The following LARGE1 variants were observed in gnomAD, a reference collection of about 807,000 sequenced individuals.
LARGE1 encodes xylosyl- and glucuronyltransferase LARGE1.
Under a neutral mutation model 87.6 loss-of-function variants are expected in LARGE1, and 43 were observed. The observed-to-expected ratio is 0.49, with a 90% CI of 0.38 to 0.63. LARGE1 has a LOEUF of 0.63. Ranked by LOEUF, LARGE1 falls within the 30% of genes least tolerant of loss-of-function variation. The pLI is 0.00. For synonymous variants in LARGE1, 434 were observed against 394.6 expected, an observed-to-expected ratio of 1.10 and a Z score of -1.18; for missense variants, 802 against 1,000.2, an observed-to-expected ratio of 0.80 and a Z score of 2.67.
chr22:33,131,946 C>T, the LARGE1 span, among the ~76,000 whole-genome samples: 9 of 152,226 alleles, frequency 5.9e-5, no homozygotes, highest in African/African-American at 2.2e-4. Context: ...GAGAAAGTCA[C>T]ATCTTACATG....
At chr22:33,093,531 A>G in the LARGE1 span, among the ~76,000 whole-genome samples, 3 of 152,216 alleles carry the variant, frequency 2.0e-5, no homozygotes, top group Non-Finnish European at 4.4e-5. Flanking sequence ...GACAGAAATT[A>G]TCTTGTAAAG....
At chr22:33,555,322 G>A (rs1428822434) in intron 6 of LARGE1, among the ~76,000 whole-genome samples, 1 of 152,096 alleles carries the variant, frequency 6.6e-6, no homozygotes, top group African/African-American at 2.4e-5. Context: ...CCTGGTACCT[G>A]GGTCTGTCCT....
intron 11 of LARGE1, among the ~76,000 whole-genome samples, chr22:33,310,456 T>C (rs1450167838): frequency 6.6e-6 from 1 of 152,084 alleles, no homozygotes; most frequent in Non-Finnish European, 1.5e-5. Flanking sequence ...GGAAGGGTGC[T>C]GAGCTGCTGA....
At position 33,333,796 on chromosome 22, in the gene LARGE1, A is replaced by G. The variant is rs188910701; in HGVS notation, c.1287+3850T>C. Among the ~76,000 whole-genome samples, 35 of 152,304 alleles carry G rather than the reference A, an allele frequency of 2.3e-4. No individual in the cohort carries two copies. The East Asian group carries it at 5.4e-3, about 24-fold the overall frequency. ...AGGAAACGAACATATGAACCAGGTA[A>G]TTGTAAACAGGAGTAGATGCTCTGA... On this transcript the variant is annotated intron_variant, in intron 10 of 14. Transcript: ENST00000397394.
intron 6 of LARGE1, among the ~76,000 whole-genome samples, chr22:33,521,502 G>T (rs2071593085): frequency 6.6e-6 from 1 of 152,178 alleles, no homozygotes; most frequent in Admixed American, 6.5e-5. Context: ...GGGAGCCCCA[G>T]TGCTCAAGTA....
chr22:33,534,067 T>C (rs2076972457), intron 6 of LARGE1, among the ~76,000 whole-genome samples: 1 of 152,060 alleles, frequency 6.6e-6, no homozygotes, highest in South Asian at 2.1e-4. Flanking sequence ...GTGGGCAGCT[T>C]TGAGTGTGTG....
intron 2 of LARGE1, among the ~76,000 whole-genome samples, chr22:33,719,504 T>C (rs185903842): frequency 6.9e-6 from 1 of 144,682 alleles, no homozygotes; most frequent in Non-Finnish European, 1.5e-5. Context: ...ACCATATTTA[T>C]TTATTTATTT....
rs190327841 is a variant in LARGE1 at position 33,388,793 on chromosome 22, C to T, written c.893-4489G>A. ...TGTTGGCCAGGCTGGTCTCAAACTC[C>T]TGACCTCAGGTGATCCACCCACCTC... On this transcript the variant is annotated intron_variant, in intron 7 of 14. Transcript: ENST00000397394. Among the ~76,000 whole-genome samples the T allele has an allele frequency of 1.5e-3, 221 of 152,048 alleles. 1 individual carries two copies. The highest frequency in any genetic ancestry group is 4.8e-3 in the African/African-American group (199 of 41,492).
Position 33,417,009 on chromosome 22 carries a change from C to T in LARGE1, c.892+15152G>A, listed in dbSNP as rs377425851. On this transcript the variant is annotated intron_variant, in intron 7 of 14. Transcript: ENST00000397394. ...GCAACCTCCGCCTCCCGGGTTCAAG[C>T]GATTCTCCTGCTTCAGCCTCCCGAG... 6.7e-5 allele frequency among the ~76,000 whole-genome samples: 10 copies of T among 149,428 alleles called. No individual in the cohort carries two copies. The South Asian group carries it at 1.7e-3, about 25-fold the overall frequency.
At chr22:33,597,868 C>T (rs1005131772) in intron 5 of LARGE1, among the ~76,000 whole-genome samples, 2 of 152,242 alleles carry the variant, frequency 1.3e-5, no homozygotes, top group South Asian at 4.2e-4. Context: ...GAAATGTTTT[C>T]CTGATTTAAA....
intron 7 of LARGE1, among the ~76,000 whole-genome samples, chr22:33,413,860 G>C (rs965863518): frequency 3.3e-5 from 5 of 152,192 alleles, no homozygotes; most frequent in Non-Finnish European, 7.3e-5. Flanking sequence ...TGTTGTCACA[G>C]AGGGCAAGAT....
At chr22:33,886,169 G>A (rs909849400) in intron 1 of LARGE1, among the ~76,000 whole-genome samples, 3 of 152,186 alleles carry the variant, frequency 2.0e-5, no homozygotes, top group Non-Finnish European at 4.4e-5. Flanking sequence ...CCAGCCCACA[G>A]CAATCCTGCT....
At chr22:33,296,807 G>T (rs748077042) in intron 12 of LARGE1, among the ~76,000 whole-genome samples, 2 of 152,096 alleles carry the variant, frequency 1.3e-5, no homozygotes, top group Non-Finnish European at 2.9e-5. Flanking sequence ...AACCTCAGGT[G>T]ATCTGCCCAC....
the LARGE1 span, among the ~76,000 whole-genome samples, chr22:33,085,092 AT>A: frequency 6.6e-6 from 1 of 152,240 alleles, no homozygotes; most frequent in Non-Finnish European, 1.5e-5. Flanking sequence ...CCTTGCCAAC[AT>A]GGCAAAACCC....
chr22:33,893,084 A>C (rs948194707), intron 1 of LARGE1, among the ~76,000 whole-genome samples: 3 of 152,238 alleles, frequency 2.0e-5, no homozygotes, highest in African/African-American at 7.2e-5. Flanking sequence ...CTGTGAACTT[A>C]TGAAACGATG....
Position 33,897,767 on chromosome 22 carries a change from C to T in LARGE1, c.-83+22228G>A, listed in dbSNP as rs867291221. On this transcript the variant is annotated intron_variant, in intron 1 of 14. Coordinates refer to ENST00000397394, the MANE Select transcript of LARGE1 (RefSeq NM_133642.5). ...AGCACAATAAATCACAGGGACCTGT[C>T]GGTGAGACCCATTATCCCTGGGGGA... Among the ~76,000 whole-genome samples, 28 of 152,188 alleles carry T rather than the reference C, an allele frequency of 1.8e-4. 1 individual carries two copies. Among genetic ancestry groups the T allele is most frequent in the South Asian group, 8.3e-4 (4 of 4,830 alleles).
intron 6 of LARGE1, among the ~76,000 whole-genome samples, chr22:33,459,959 T>C (rs1012564077): frequency 6.6e-6 from 1 of 152,230 alleles, no homozygotes; most frequent in African/African-American, 2.4e-5. Flanking sequence ...GGATGGGCAC[T>C]GATAAGTGCT....
the LARGE1 span, among the ~76,000 whole-genome samples, chr22:33,137,768 G>A: frequency 6.6e-6 from 1 of 152,230 alleles, no homozygotes; most frequent in African/African-American, 2.4e-5. Flanking sequence ...CCAAGCCTTG[G>A]CAGCTTCCAA....
chr22:33,741,550 T>C lies in LARGE1; in HGVS notation c.106+19821A>G, dbSNP rs528046671. On this transcript the variant is annotated intron_variant, in intron 2 of 14. Coordinates refer to ENST00000397394, the MANE Select transcript of LARGE1 (RefSeq NM_133642.5). ...CACACCCAAGTGTGCTGCAGCCAAG[T>C]GCAGAAATGCGGAGCCAACAACTGC... 2.8e-3 allele frequency among the ~76,000 whole-genome samples: 422 copies of C among 152,360 alleles called. 1 individual carries two copies. Among genetic ancestry groups the C allele is most frequent in the African/African-American group, 9.5e-3 (395 of 41,582 alleles).
Sources: allele counts gnomAD v4.1 joint callset (sites outside exome capture counted in the v4.1 genomes callset), GRCh38; gene constraint gnomAD v4.1.1; transcripts MANE v1.5; gene names NCBI Gene and HGNC (gene_info 2026-07-23, HGNC 2026-07-21).